Variants in PCNT observed in about 807,000 individuals in gnomAD.
The protein encoded by PCNT is kendrin.
In PCNT, 319 loss-of-function variants were observed where a neutral mutation model predicts 380.4. The observed-to-expected ratio is 0.84, with a 90% CI of 0.77 to 0.92. The LOEUF is 0.92. PCNT is among the 40% of genes least tolerant of loss of function. The pLI is 0.00. For missense variants in PCNT, 4,400 were observed against 4,255.3 expected, an observed-to-expected ratio of 1.03 and a Z score of -0.95; for synonymous variants, 1,845 against 1,735.2, an observed-to-expected ratio of 1.06 and a Z score of -1.57.
chr21:46,423,775 TGAG>T (rs1282655195), intron 32 of PCNT, among the ~76,000 whole-genome samples: 138 of 39,430 alleles, frequency 3.5e-3, no homozygotes, highest in Non-Finnish European at 4.8e-3. Flanking sequence ...GGGAGGGGGA[TGAG>T]GAGGGGGAGG....
chr21:46,425,794 G>A lies in PCNT; in HGVS notation c.7180-37G>A, dbSNP rs2087469395. ...GTGTAGAGCGTGGCTGTGTGGGGTGGCAGGCAACTCCCTTCTGACGCGCTT... is the reference window on the plus strand; with the variant it reads ...GTGTAGAGCGTGGCTGTGTGGGGTGACAGGCAACTCCCTTCTGACGCGCTT... On this transcript the variant is annotated intron_variant, in intron 32 of 46. Transcript: ENST00000359568. The surrounding 1 kb of genome is among the most constrained non-coding windows in gnomAD (Gnocchi z 4.2). The A allele has an allele frequency of 6.2e-7, 1 of 1,610,320 alleles. No individual in the cohort carries two copies.
rs1482060016 is a variant in PCNT at position 46,398,149 on chromosome 21, C to T, written c.4563+19C>T. On this transcript the variant is annotated intron_variant, in intron 23 of 46. Coordinates refer to ENST00000359568, the MANE Select transcript of PCNT (RefSeq NM_006031.6). The stretch of plus-strand genomic sequence containing the variant: ...CAGCCAGGTGAGTCAGTGCAGCGTG[C>T]AGTGCTGCTGGTTGCTGTCTTTCAC... The T allele has an allele frequency of 1.9e-6, 3 of 1,603,448 alleles. No homozygotes were observed. Among genetic ancestry groups the T allele is most frequent in the Non-Finnish European group, 2.6e-6 (3 of 1,173,968 alleles).
Position 46,437,089 on chromosome 21 carries a change from G to T in PCNT, c.9099+8G>T, listed in dbSNP as rs369178196. 57 of 1,605,326 alleles carry T rather than the reference G, an allele frequency of 3.6e-5. No homozygotes were observed. The highest frequency in any genetic ancestry group is 4.9e-5 in the Non-Finnish European group (57 of 1,172,698). On this transcript the variant is annotated splice_region_variant and intron_variant, in intron 40 of 46. Transcript: ENST00000359568. The stretch of plus-strand genomic sequence containing the variant: ...AGGCCCACCTCCTCCCAGGTAAGGG[G>T]TGAGCGCCCCCAGGTCCCTGGCCTG...
At chr21:46,362,810 C>G (rs1026888855) in intron 13 of PCNT, among the ~76,000 whole-genome samples, 2 of 151,704 alleles carry the variant, frequency 1.3e-5, no homozygotes, top group East Asian at 3.9e-4. Flanking sequence ...GAGTTCGAGG[C>G]TGCAGTGAGC....
chr21:46,365,456 CGTGGGGTTCTGTT>C, intron 14 of PCNT, among the ~76,000 whole-genome samples: 1 of 145,716 alleles, frequency 6.9e-6, no homozygotes, highest in Non-Finnish European at 1.5e-5. Flanking sequence ...TGTTCACTGC[CGTGGGGTTCTGTT>C]CACTGCCGTG....
intron 23 of PCNT, 29 bp downstream of exon 23, chr21:46,398,159 G>C: frequency 6.2e-7 from 1 of 1,605,030 alleles, no homozygotes; most frequent in Non-Finnish European, 8.5e-7. Flanking sequence ...CAGTGCTGCT[G>C]GTTGCTGTCT....
At chr21:46,440,369 T>A (rs1277534630) in intron 42 of PCNT, among the ~76,000 whole-genome samples, 167 bp downstream of exon 42, 1 of 152,338 alleles carries the variant, frequency 6.6e-6, no homozygotes, top group East Asian at 1.9e-4. Context: ...TTGAATTTTG[T>A]TTTAATTGTG....
chr21:46,406,052 A>G (rs1402174656), intron 27 of PCNT, among the ~76,000 whole-genome samples: 1 of 152,218 alleles, frequency 6.6e-6, no homozygotes, highest in Admixed American at 6.5e-5. Context: ...GTTTCCAGTT[A>G]TTTCAAGGAA....
intron 13 of PCNT, among the ~76,000 whole-genome samples, chr21:46,358,534 C>G (rs569852822): frequency 6.6e-6 from 1 of 152,316 alleles, no homozygotes; most frequent in African/African-American, 2.4e-5. Context: ...GCCAATGGCA[C>G]CTGCAGCCAC....
intron 15 of PCNT, among the ~76,000 whole-genome samples, chr21:46,375,380 C>G (rs1333089153): frequency 6.6e-6 from 1 of 152,146 alleles, no homozygotes; most frequent in African/African-American, 2.4e-5. Flanking sequence ...ATGTCTTTGC[C>G]TTCTGACATT....
At chr21:46,442,863 T>TA (rs2053647696) in intron 44 of PCNT, 2 of 470,246 alleles carry the variant, frequency 4.3e-6, no homozygotes, top group South Asian at 4.6e-5. Context: ...GGTCTTTTTT[T>TA]ATTCCTTAAA....
intron 13 of PCNT, among the ~76,000 whole-genome samples, chr21:46,360,740 A>T (rs548899996): frequency 7.0e-6 from 1 of 142,566 alleles, no homozygotes; most frequent in South Asian, 2.3e-4. Context: ...GGATGGTCTC[A>T]ATCTCCTGAC....
Position 46,363,161 on chromosome 21 carries a change from G to A in PCNT, c.2155-319G>A, listed in dbSNP as rs73377308. On this transcript the variant is annotated intron_variant, in intron 13 of 46. Transcript: ENST00000359568. ...CACTGGTCTTGGTCTGAACAAAGAA[G>A]CCTCCGGCTGCTGCCTTTGCTCGGC... is the stretch of plus-strand genomic sequence containing the variant. 6.0e-3 allele frequency among the ~76,000 whole-genome samples: 908 copies of A among 152,330 alleles called. 11 individuals are homozygous for A. Among genetic ancestry groups the A allele is most frequent in the African/African-American group, 0.02 (852 of 41,578 alleles).
intron 13 of PCNT, among the ~76,000 whole-genome samples, chr21:46,360,259 G>C (rs771824280): frequency 3.3e-4 from 31 of 94,144 alleles, no homozygotes; most frequent in South Asian, 3.6e-4. Flanking sequence ...ATCTCACTCT[G>C]TTGCCCAGGC....
chr21:46,328,178 A>G (rs1190280847), intron 2 of PCNT, among the ~76,000 whole-genome samples: 1 of 151,960 alleles, frequency 6.6e-6, no homozygotes, highest in East Asian at 1.9e-4. Flanking sequence ...CAACAGTTAA[A>G]ATTTGTGTTA....
intron 44 of PCNT, 119 bp downstream of exon 44, chr21:46,442,692 A>G: frequency 1.3e-6 from 1 of 748,940 alleles, no homozygotes. Flanking sequence ...ACGGTAAGAA[A>G]ATCCGTGAAT....
Position 46,422,094 on chromosome 21 carries a change from G to T in PCNT, c.7149G>T (p.Lys2383Asn). 1 of 1,613,946 alleles carries T rather than the reference G, an allele frequency of 6.2e-7. No individual in the cohort carries two copies. Among genetic ancestry groups the T allele is most frequent in the East Asian group, 2.2e-5 (1 of 44,880 alleles). Reference sequence around the variant, plus strand: ...TTCAGCCGCTGCCGGAAGCCATGAAGGAGAAGGAAGTGCGTCCGAAGCACG... The same window carrying T: ...TTCAGCCGCTGCCGGAAGCCATGAATGAGAAGGAAGTGCGTCCGAAGCACG... ...GRFQPLPEAMKEKEVRPKHVK... is the reference protein window; with the variant it reads ...GRFQPLPEAMNEKEVRPKHVK... Residue 2383 changes from lysine (K) to asparagine (N), a missense_variant, in exon 32 of 47, where the codon AAG (lysine) becomes AAT (asparagine). Physicochemically the swap from Lys to Asn is moderately conservative, Grantham distance 94 (BLOSUM62 0). Transcript: ENST00000359568.
At chr21:46,386,436 C>T (rs1329074533) in intron 17 of PCNT, among the ~76,000 whole-genome samples, 2 of 152,234 alleles carry the variant, frequency 1.3e-5, no homozygotes, top group Non-Finnish European at 2.9e-5. Context: ...CTGAGACCGG[C>T]CCAAGCAGGG....
At position 46,411,413 on chromosome 21, in the gene PCNT, CG is replaced by C. The variant is rs779703166; in HGVS notation, c.5345del (p.Gly1782AlafsTer21). On this transcript the variant is annotated frameshift_variant, in exon 28 of 47. Transcript: ENST00000359568. LOFTEE classifies it high-confidence loss of function. ...LQSELLCSQA[G>X]GPRGQALQGE... ...AGAGCGAGCTGCTCTGCTCCCAGGC[CG>C]GGGGCCCTCGTGGGCAGGCCCTACA... is the stretch of plus-strand genomic sequence containing the variant. 2 of 1,613,076 alleles carry C rather than the reference CG, an allele frequency of 1.2e-6. No homozygotes were observed. The highest frequency in any genetic ancestry group is 1.3e-5 in the African/African-American group (1 of 74,926).
Sources: allele counts gnomAD v4.1 joint callset (sites outside exome capture counted in the v4.1 genomes callset), GRCh38; gene constraint gnomAD v4.1.1; non-coding constraint Gnocchi (gnomAD v3.1); transcripts MANE v1.5; gene names NCBI Gene and HGNC (gene_info 2026-07-23, HGNC 2026-07-21).